The following CDH9 variants were observed in gnomAD, a reference collection of about 807,000 sequenced individuals.
CDH9 encodes the protein cadherin 9, also known as cadherin-9.
Under a neutral mutation model 70.9 loss-of-function variants are expected in CDH9, and 28 were observed. The observed-to-expected ratio is 0.40, with a 90% confidence interval of 0.29 to 0.54. The LOEUF (loss-of-function observed/expected upper bound fraction) is 0.54. Among genes scored for constraint, CDH9 ranks in the 20% least tolerant of loss-of-function variants. The pLI is 0.59. For missense variants in CDH9, 874 were observed against 984.4 expected, an observed-to-expected ratio of 0.89 and a Z score of 1.50; for synonymous variants, 409 against 343.1, an observed-to-expected ratio of 1.19 and a Z score of -2.12.
intron 1 of CDH9, among the ~76,000 whole-genome samples, chr5:27,021,515 G>GT (rs1400114570): frequency 6.6e-6 from 1 of 151,770 alleles, no homozygotes; most frequent in Non-Finnish European, 1.5e-5. Flanking sequence ...ACTTATACAA[G>GT]TAAGACTAAT....
At chr5:26,969,145 T>C (rs1008486303) in intron 2 of CDH9, among the ~76,000 whole-genome samples, 11 of 152,214 alleles carry the variant, frequency 7.2e-5, no homozygotes, top group Non-Finnish European at 1.5e-4. Flanking sequence ...AATGAACTGA[T>C]AGGAGGTTCC....
chr5:26,882,186 C>T (rs1006115654), intron 11 of CDH9, among the ~76,000 whole-genome samples: 2 of 151,896 alleles, frequency 1.3e-5, no homozygotes, highest in African/African-American at 2.4e-5. Context: ...AACTAAATTC[C>T]TTTACTGGTC....
chr5:27,011,690 A>G (rs1303523950), intron 1 of CDH9, among the ~76,000 whole-genome samples: 1 of 152,066 alleles, frequency 6.6e-6, no homozygotes, highest in Non-Finnish European at 1.5e-5. Context: ...ATCACAGATA[A>G]AGGTAAGAGA....
At chr5:26,975,426 A>C (rs1318694890) in intron 2 of CDH9, among the ~76,000 whole-genome samples, 2 of 152,230 alleles carry the variant, frequency 1.3e-5, no homozygotes, top group Admixed American at 6.5e-5. Context: ...CTATGATATA[A>C]AACTCTCTAC....
rs59882843 is a variant in CDH9, at chr5:26,954,388, C to CTTTTTTTTTTTTTTTTTTTTT, written c.228+33717_228+33718insAAAAAAAAAAAAAAAAAAAAA. ...AGCTTTTCGCTATTATACAGCCTTT[C>CTTTTTTTTTTTTTTTTTTTTT]TTTTTTTTTTTTTTGAGACATAGTC... On this transcript the variant is annotated intron_variant, in intron 2 of 11. Coordinates refer to ENST00000231021, the MANE Select transcript of CDH9 (RefSeq NM_016279.4). 6.7e-4 allele frequency among the ~76,000 whole-genome samples: 62 copies of CTTTTTTTTTTTTTTTTTTTTT among 93,054 alleles called. 13 individuals are homozygous for CTTTTTTTTTTTTTTTTTTTTT. Among genetic ancestry groups the CTTTTTTTTTTTTTTTTTTTTT allele is most frequent in the African/African-American group, 2.7e-3 (58 of 21,268 alleles). 61.0% of individuals were successfully genotyped at this position (93,054 alleles called of 152,430 possible).
At chr5:27,017,633 C>A (rs866087043) in intron 1 of CDH9, among the ~76,000 whole-genome samples, 63 of 151,956 alleles carry the variant, frequency 4.1e-4, no homozygotes, top group African/African-American at 1.5e-3. Context: ...CATTTTAACT[C>A]TCGGTTATAT....
chr5:26,959,620 T>C (rs1264453058), intron 2 of CDH9, among the ~76,000 whole-genome samples: 1 of 152,110 alleles, frequency 6.6e-6, no homozygotes, highest in African/African-American at 2.4e-5. Context: ...AATGGATGAA[T>C]GGCTGAACAA....
chr5:26,880,876 T>A lies in CDH9; in HGVS notation c.*260A>T. Reference sequence around the variant, plus strand: ...ACAAAAAGCCTTTTACTTATTTTTATTGATTATTGATGTGATATATTTTCC... The same window carrying A: ...ACAAAAAGCCTTTTACTTATTTTTAATGATTATTGATGTGATATATTTTCC... On this transcript the variant is annotated 3_prime_UTR_variant, in exon 12 of 12. Coordinates refer to ENST00000231021, the MANE Select transcript of CDH9 (RefSeq NM_016279.4). 3.5e-6 allele frequency: 1 copy of A among 284,582 alleles called. No individual in the cohort carries two copies. The highest frequency in any genetic ancestry group is 6.5e-6 in the Non-Finnish European group (1 of 153,724). 17.6% of individuals were successfully genotyped at this position (284,582 alleles called of 1,614,324 possible).
chr5:26,890,717 T>C, intron 7 of CDH9, 153 bp from the exon 8 acceptor site: 1 of 592,420 alleles, frequency 1.7e-6, no homozygotes, highest in Non-Finnish European at 3.0e-6. Flanking sequence ...TATAGAATTG[T>C]TATTTGAGCA....
At chr5:26,983,780 T>A (rs1381571754) in intron 2 of CDH9, among the ~76,000 whole-genome samples, 1 of 152,160 alleles carries the variant, frequency 6.6e-6, no homozygotes, top group Non-Finnish European at 1.5e-5. Flanking sequence ...TCATCAAAAC[T>A]CTTTAAATAA....
intron 2 of CDH9, among the ~76,000 whole-genome samples, chr5:26,966,325 T>C (rs916966594): frequency 6.6e-6 from 1 of 152,168 alleles, no homozygotes; most frequent in African/African-American, 2.4e-5. Context: ...GCCTCACAGG[T>C]CTTGTTCCAA....
intron 1 of CDH9, among the ~76,000 whole-genome samples, chr5:27,019,564 T>C (rs1743101875): frequency 2.6e-5 from 4 of 151,952 alleles, no homozygotes; most frequent in Admixed American, 1.3e-4. Context: ...TGAGGTAATG[T>C]AATTGTTATA....
At chr5:27,018,055 G>C (rs570111290) in intron 1 of CDH9, among the ~76,000 whole-genome samples, 1 of 151,504 alleles carries the variant, frequency 6.6e-6, no homozygotes, top group Admixed American at 6.6e-5. Context: ...GTTCTAATAA[G>C]GCTGAAAGAC....
Position 26,890,483 on chromosome 5 carries a change from G to C in CDH9, c.1335C>G (p.Ala445=), listed in dbSNP as rs766274426. Residue 445 remains alanine (A), a synonymous_variant, in exon 8 of 12, where the codon GCC becomes GCG. Coordinates refer to ENST00000231021, the MANE Select transcript of CDH9 (RefSeq NM_016279.4). ...GCCAAGGAGATGATTCCCGGTCAAGGGCTTTCAAAGTGAAAATAGAACCAT... is the reference window on the plus strand; with the variant it reads ...GCCAAGGAGATGATTCCCGGTCAAGCGCTTTCAAAGTGAAAATAGAACCAT... The part of the protein sequence containing the change: ...SENGSIFTLK[A]LDRESSPWHN... 1.4e-5 allele frequency: 22 copies of C among 1,612,476 alleles called. 1 individual carries two copies. The South Asian group carries it at 2.4e-4, about 18-fold the overall frequency.
At chr5:26,980,242 A>G (rs1742377347) in intron 2 of CDH9, among the ~76,000 whole-genome samples, 1 of 151,832 alleles carries the variant, frequency 6.6e-6, no homozygotes. Flanking sequence ...CTTTTTGTAG[A>G]AAAAAAGGCA....
At chr5:26,890,148 G>A (rs945985466) in intron 8 of CDH9, among the ~76,000 whole-genome samples, 191 bp from the exon 9 acceptor site, 3 of 152,064 alleles carry the variant, frequency 2.0e-5, no homozygotes, top group African/African-American at 7.2e-5. Context: ...ACATAATTGA[G>A]AATGAAGTAT....
At chr5:26,919,756 C>T (rs1380114695) in intron 2 of CDH9, among the ~76,000 whole-genome samples, 1 of 152,054 alleles carries the variant, frequency 6.6e-6, no homozygotes, top group African/African-American at 2.4e-5. Context: ...AGGGCAGGGT[C>T]CTGAGGCCCC....
intron 7 of CDH9, among the ~76,000 whole-genome samples, chr5:26,898,474 A>C (rs1369846029): frequency 6.6e-6 from 1 of 152,194 alleles, no homozygotes; most frequent in Admixed American, 6.5e-5. Flanking sequence ...ACCAAAACAG[A>C]TATACAGACC....
At chr5:26,970,308 C>T (rs758672029) in intron 2 of CDH9, among the ~76,000 whole-genome samples, 1 of 151,672 alleles carries the variant, frequency 6.6e-6, no homozygotes, top group East Asian at 1.9e-4. Flanking sequence ...TCTTATTGTT[C>T]TTTCTGATCA....
Sources: gnomAD v4.1 joint callset for allele counts (sites outside exome capture counted in the v4.1 genomes callset) on GRCh38, gnomAD v4.1.1 for gene constraint, MANE v1.5 for transcripts, NCBI Gene and HGNC (gene_info 2026-07-23, HGNC 2026-07-21) for gene names.